CTNNA2: variants seen among roughly 807,000 people sequenced by gnomAD.
CTNNA2 encodes catenin alpha-2.
A neutral mutation model predicts 101.0 loss-of-function variants in CTNNA2; 42 were observed. That is an observed-to-expected ratio of 0.42 (90% CI 0.32 to 0.54). The LOEUF is 0.54. CTNNA2 is among the 20% of genes least tolerant of loss of function. CTNNA2 has a pLI of 0.14. For missense variants in CTNNA2, 871 were observed against 1,223.1 expected (o/e 0.71, Z 4.29); for synonymous variants, 450 against 456.4 (o/e 0.99, Z 0.18).
chr2:79,452,668 T>G (rs1260791282), intron 4 of CTNNA2, among the ~76,000 whole-genome samples: 1 of 151,984 alleles, frequency 6.6e-6, no homozygotes, highest in Non-Finnish European at 1.5e-5. Context: ...CTTTGCACCT[T>G]CTTTTGAAAG....
At chr2:79,719,945 A>C (rs916539990) in intron 2 of CTNNA2, among the ~76,000 whole-genome samples, 2 of 151,934 alleles carry the variant, frequency 1.3e-5, no homozygotes, top group African/African-American at 4.8e-5. Flanking sequence ...ACTTTTGGGG[A>C]CTTAGCCAAA....
intron 7 of CTNNA2, among the ~76,000 whole-genome samples, chr2:80,197,795 A>G (rs1367936129): frequency 6.6e-6 from 1 of 152,196 alleles, no homozygotes; most frequent in Non-Finnish European, 1.5e-5. Context: ...TAATTGAGTC[A>G]TAAGCTAGTA....
intron 7 of CTNNA2, among the ~76,000 whole-genome samples, chr2:80,326,454 G>T (rs1195161034): frequency 1.3e-5 from 2 of 152,202 alleles, no homozygotes; most frequent in Admixed American, 1.3e-4. Context: ...CTTAGAAGAT[G>T]TTGTCCTCTG....
chr2:79,211,503 A>C (rs1674172744), intron 2 of CTNNA2, among the ~76,000 whole-genome samples: 1 of 152,138 alleles, frequency 6.6e-6, no homozygotes, highest in Non-Finnish European at 1.5e-5. Flanking sequence ...GTAAAGGAAA[A>C]TTACAGTCAA....
chr2:79,205,244 T>C (rs1298074648), intron 2 of CTNNA2, among the ~76,000 whole-genome samples: 2 of 152,326 alleles, frequency 1.3e-5, no homozygotes, highest in East Asian at 1.9e-4. Flanking sequence ...AGAGATTCTT[T>C]AGGTATCCCA....
intron 4 of CTNNA2, among the ~76,000 whole-genome samples, chr2:79,447,901 T>TA (rs1678851125): frequency 6.6e-6 from 1 of 152,048 alleles, no homozygotes; most frequent in African/African-American, 2.4e-5. Flanking sequence ...GGCAAGAAGT[T>TA]AAATATCAGT....
At chr2:79,388,780 CCT>C (rs1211522895) in intron 4 of CTNNA2, among the ~76,000 whole-genome samples, 1 of 149,714 alleles carries the variant, frequency 6.7e-6, no homozygotes, top group Non-Finnish European at 1.5e-5. Context: ...CTTTCTCTCT[CCT>C]CTTTTTTTTT....
intron 3 of CTNNA2, among the ~76,000 whole-genome samples, chr2:79,793,913 C>CACACACACACACAT (rs1431248377): frequency 6.7e-6 from 1 of 150,098 alleles, no homozygotes; most frequent in African/African-American, 2.5e-5. Context: ...CACACACACA[C>CACACACACACACAT]ACACACAGAA....
intron 7 of CTNNA2, among the ~76,000 whole-genome samples, chr2:80,318,329 G>T (rs1678330784): frequency 6.6e-6 from 1 of 152,058 alleles, no homozygotes; most frequent in Non-Finnish European, 1.5e-5. Context: ...GTTTGTTTCT[G>T]TGTGCCCCTC....
intron 4 of CTNNA2, among the ~76,000 whole-genome samples, chr2:79,465,894 G>A (rs1050707410): frequency 5.9e-5 from 9 of 152,104 alleles, no homozygotes; most frequent in African/African-American, 9.7e-5. Flanking sequence ...GAGACGATGG[G>A]GGTTTTCTAA....
chr2:79,766,066 C>G (rs150028861), intron 3 of CTNNA2, among the ~76,000 whole-genome samples: 1 of 152,120 alleles, frequency 6.6e-6, no homozygotes, highest in Non-Finnish European at 1.5e-5. Flanking sequence ...GTTTACACAC[C>G]GCAGTCAGTG....
At chr2:80,132,389 A>T (rs571311577) in intron 7 of CTNNA2, among the ~76,000 whole-genome samples, 2 of 152,112 alleles carry the variant, frequency 1.3e-5, no homozygotes, top group African/African-American at 4.8e-5. Context: ...TTCCTTCCAG[A>T]TATGCTCTAG....
intron 12 of CTNNA2, among the ~76,000 whole-genome samples, chr2:80,559,911 C>T (rs1693417974): frequency 8.9e-6 from 1 of 112,446 alleles, no homozygotes; most frequent in African/African-American, 3.4e-5. Flanking sequence ...TACAGTAGCT[C>T]ATTCTTCACT....
At chr2:80,193,675 T>G (rs1383604246) in intron 7 of CTNNA2, among the ~76,000 whole-genome samples, 1 of 152,212 alleles carries the variant, frequency 6.6e-6, no homozygotes, top group Non-Finnish European at 1.5e-5. Flanking sequence ...GGTCTTGGGT[T>G]TTCTCATTAA....
chr2:80,317,123 A>G (rs1678206367), intron 7 of CTNNA2, among the ~76,000 whole-genome samples: 1 of 152,190 alleles, frequency 6.6e-6, no homozygotes, highest in Non-Finnish European at 1.5e-5. Flanking sequence ...ACCTGGTCCA[A>G]GAGACTGTAA....
chr2:79,676,752 A>G (rs1683211208), intron 2 of CTNNA2, among the ~76,000 whole-genome samples: 1 of 152,230 alleles, frequency 6.6e-6, no homozygotes, highest in Admixed American at 6.5e-5. Flanking sequence ...TGTAAAGGAA[A>G]ATAAACTCAC....
upstream of CTNNA2, among the ~76,000 whole-genome samples, chr2:79,508,612 T>C (rs1671463021): frequency 6.6e-6 from 1 of 152,148 alleles, no homozygotes; most frequent in South Asian, 2.1e-4. Context: ...TTTTACTGCT[T>C]GATTAATTGA....
At chr2:80,593,155 T>C (rs1573391261) in intron 15 of CTNNA2, among the ~76,000 whole-genome samples, 1 of 152,196 alleles carries the variant, frequency 6.6e-6, no homozygotes, top group Non-Finnish European at 1.5e-5. Context: ...AGATTACCCA[T>C]AGCATCTTTT....
At chr2:79,980,329 C>T (rs78014647) in intron 7 of CTNNA2, among the ~76,000 whole-genome samples, 2,393 of 152,044 alleles carry the variant, frequency 0.016, 51 homozygotes, top group Admixed American at 0.05. Context: ...TTCATAGGGA[C>T]GATTTGTCAC....
Sources: allele counts gnomAD v4.1 joint callset (sites outside exome capture counted in the v4.1 genomes callset), GRCh38; gene constraint gnomAD v4.1.1; transcripts MANE v1.5; gene names NCBI Gene and HGNC (gene_info 2026-07-23, HGNC 2026-07-21).